The following ANKRD26 variants were observed in gnomAD, a reference collection of about 807,000 sequenced individuals.
ANKRD26 encodes ankyrin repeat domain-containing protein 26.
A neutral mutation model predicts 208.7 loss-of-function variants in ANKRD26; 141 were observed. The ratio of observed to expected loss-of-function variants is 0.68; its 90% CI spans 0.59 to 0.78. ANKRD26 has a LOEUF of 0.78. Among genes scored for constraint, ANKRD26 ranks in the 30% least tolerant of loss-of-function variants. The pLI, the probability that ANKRD26 is intolerant of heterozygous loss-of-function variation, is 0.00. For synonymous variants in ANKRD26, 636 were observed against 660.4 expected (o/e 0.96, Z 0.57); for missense variants, 1,889 against 1,938.7 (o/e 0.97, Z 0.48).
At chr10:27,078,946 A>T (rs892318105) in intron 7 of ANKRD26, 143 bp downstream of exon 7, 1 of 554,684 alleles carries the variant, frequency 1.8e-6, no homozygotes. Context: ...AACTGGCCAT[A>T]TTTCTATAAA....
chr10:27,079,072 A>T lies in ANKRD26; in HGVS notation c.813+17T>A, dbSNP rs749892346. 3.6e-5 allele frequency: 58 copies of T among 1,602,322 alleles called. No individual in the cohort carries two copies. The highest frequency in any genetic ancestry group is 4.9e-5 in the Non-Finnish European group (57 of 1,169,482). The stretch of plus-strand genomic sequence containing the variant: ...GATTCAGAGTAAGAAAATTAAGTTC[A>T]TGAGAGAGCACTTTACCTTAGTATC... On this transcript the variant is annotated intron_variant, in intron 7 of 33. Transcript: ENST00000376087.
At chr10:26,955,041 T>C in the ANKRD26 span, among the ~76,000 whole-genome samples, 1 of 151,580 alleles carries the variant, frequency 6.6e-6, no homozygotes. Context: ...AAGGGCAGAA[T>C]GCATGTGATT....
chr10:26,993,917 C>CA (rs2052533673), intron 5 of ANKRD26, among the ~76,000 whole-genome samples: 1 of 152,136 alleles, frequency 6.6e-6, no homozygotes, highest in African/African-American at 2.4e-5. Context: ...CAGTGGGTGG[C>CA]AGTGGCAAGG....
chr10:27,099,941 G>A (rs2056592852), intron 1 of ANKRD26, 144 bp downstream of exon 1: 2 of 1,317,194 alleles, frequency 1.5e-6, no homozygotes, highest in Non-Finnish European at 2.1e-6. Context: ...CCTGGGCGCT[G>A]GAGCCCTGCA....
In ANKRD26 at chr10:27,047,734, A is replaced by C. The variant is rs924578369; in HGVS notation, c.1814+1067T>G. Among the ~76,000 whole-genome samples the C allele has an allele frequency of 1.6e-4, 7 of 44,732 alleles. No homozygotes were observed. In the South Asian group the frequency reaches 3.8e-3, roughly 24 times the overall value. 29.3% of individuals were successfully genotyped at this position (44,732 alleles called of 152,430 possible). A position where few individuals can be genotyped will look rare whatever the true frequency, so the allele number is the denominator to read the frequency against. The stretch of plus-strand genomic sequence containing the variant: ...ACTACTACTACTACTAATAATAATA[A>C]TAATAATTATTATTATTATTATTAT... On this transcript the variant is annotated intron_variant, in intron 17 of 33. Transcript: ENST00000376087.
chr10:27,049,376 C>G (rs1455092976), intron 16 of ANKRD26, among the ~76,000 whole-genome samples: 2 of 152,178 alleles, frequency 1.3e-5, no homozygotes, highest in Non-Finnish European at 1.5e-5. Flanking sequence ...CTTTTTACCA[C>G]CTGGATTTTA....
chr10:26,968,686 A>G, the ANKRD26 span, among the ~76,000 whole-genome samples: 1 of 152,258 alleles, frequency 6.6e-6, no homozygotes, highest in Admixed American at 6.5e-5. Flanking sequence ...GCTGACTTTG[A>G]TGAGTTTCTT....
chr10:27,017,178 A>G (rs925162336), intron 30 of ANKRD26, among the ~76,000 whole-genome samples: 1 of 152,248 alleles, frequency 6.6e-6, no homozygotes, highest in East Asian at 1.9e-4. Flanking sequence ...AATTTTAAAA[A>G]GTGAGCAATG....
At chr10:27,041,843 T>C (rs1449836446) in intron 20 of ANKRD26, among the ~76,000 whole-genome samples, 1 of 151,980 alleles carries the variant, frequency 6.6e-6, no homozygotes, top group Non-Finnish European at 1.5e-5. Flanking sequence ...ATAAAAACTA[T>C]AATCCCACAG....
chr10:27,067,751 G>A (rs1251889150), intron 9 of ANKRD26, among the ~76,000 whole-genome samples: 3 of 152,102 alleles, frequency 2.0e-5, no homozygotes, highest in Non-Finnish European at 2.9e-5. Context: ...ACTCCCACCA[G>A]GTCCCACCTC....
chr10:27,098,152 T>C (rs1477432266), intron 1 of ANKRD26, among the ~76,000 whole-genome samples: 1 of 152,266 alleles, frequency 6.6e-6, no homozygotes, highest in South Asian at 2.1e-4. Flanking sequence ...TCTTAATTTT[T>C]GGTGGCAAGA....
chr10:27,100,137 G>T lies in ANKRD26; in HGVS notation c.190C>A (p.Gln64Lys). The T allele has an allele frequency of 6.2e-7, 1 of 1,614,138 alleles. No individual in the cohort carries two copies. ...ASAGNVAKVQ[Q>K]ILLLRKNGLN... ...CCATTCTTCCTGAGCAAAAGGATCTGCTGCACTTTCGCCACATTACCCGCG... is the reference window on the plus strand; with the variant it reads ...CCATTCTTCCTGAGCAAAAGGATCTTCTGCACTTTCGCCACATTACCCGCG... The change falls in exon 1 of 34, where the codon CAG becomes AAG. Residue 64 changes from glutamine (Q) to lysine (K), a missense_variant. Physicochemically the swap from Gln to Lys is moderately conservative, Grantham distance 53. Transcript: ENST00000376087.
At chr10:27,054,287 T>C (rs2054765858) in intron 15 of ANKRD26, among the ~76,000 whole-genome samples, 1 of 152,166 alleles carries the variant, frequency 6.6e-6, no homozygotes, top group Non-Finnish European at 1.5e-5. Context: ...CACTGAGGTT[T>C]AAAGAATGTA....
chr10:27,097,002 T>C (rs1188759101), intron 1 of ANKRD26, among the ~76,000 whole-genome samples: 1 of 150,196 alleles, frequency 6.7e-6, no homozygotes, highest in Non-Finnish European at 1.5e-5. Flanking sequence ...GCCAACAGGG[T>C]AGAACCCCAT....
the ANKRD26 span, among the ~76,000 whole-genome samples, chr10:26,967,516 T>C: frequency 7.5e-6 from 1 of 133,410 alleles, no homozygotes; most frequent in Non-Finnish European, 1.7e-5. Flanking sequence ...TACCATCTAG[T>C]TCTGATGACA....
chr10:27,086,841 G>A (rs966055725), intron 4 of ANKRD26, among the ~76,000 whole-genome samples: 1 of 132,170 alleles, frequency 7.6e-6, no homozygotes, highest in Non-Finnish European at 1.5e-5. Flanking sequence ...GTATGATATT[G>A]GCACACTGCA....
At chr10:27,093,297 T>C (rs2135732219) in intron 3 of ANKRD26, 52 bp downstream of exon 3, 6 of 1,549,276 alleles carry the variant, frequency 3.9e-6, no homozygotes, top group Non-Finnish European at 4.4e-6. Flanking sequence ...TATGTCACTG[T>C]TGAAACAAAC....
intron 11 of ANKRD26, among the ~76,000 whole-genome samples, chr10:27,065,161 A>G (rs559632688): frequency 6.6e-6 from 1 of 152,272 alleles, no homozygotes; most frequent in East Asian, 1.9e-4. Context: ...TCCCATTTTG[A>G]TCCCCATCCT....
chr10:26,947,614 A>G, the ANKRD26 span, among the ~76,000 whole-genome samples: 2 of 152,212 alleles, frequency 1.3e-5, no homozygotes, highest in African/African-American at 2.4e-5. Flanking sequence ...TGTTGAAAGA[A>G]GTGTGTCGTT....
Sources: allele counts gnomAD v4.1 joint callset (sites outside exome capture counted in the v4.1 genomes callset), GRCh38; gene constraint gnomAD v4.1.1; transcripts MANE v1.5; gene names NCBI Gene and HGNC (gene_info 2026-07-23, HGNC 2026-07-21).